Variants in XPO6 observed in about 807,000 individuals in gnomAD.
The protein encoded by XPO6 is exportin 6.
Under a neutral mutation model 130.0 loss-of-function variants are expected in XPO6, and 3 were observed. The ratio of observed to expected loss-of-function variants is 0.02; its 90% confidence interval spans 0.01 to 0.06. XPO6 has a LOEUF of 0.06. XPO6 is among the 10% of genes least tolerant of loss of function. XPO6 has a pLI of 1.00. For synonymous variants in XPO6, 524 were observed against 548.9 expected, an observed-to-expected ratio of 0.95 and a Z score of 0.63; for missense variants, 970 against 1,393.0, an observed-to-expected ratio of 0.70 and a Z score of 4.83.
At chr16:28,210,068 G>A (rs912681077) in intron 1 of XPO6, among the ~76,000 whole-genome samples, 3 of 152,164 alleles carry the variant, frequency 2.0e-5, no homozygotes, top group Admixed American at 6.5e-5. Context: ...GGTCGAGGCT[G>A]CAGTGAGCCA....
chr16:28,163,004 G>T (rs2043301846), intron 6 of XPO6, among the ~76,000 whole-genome samples: 1 of 152,174 alleles, frequency 6.6e-6, no homozygotes, highest in Admixed American at 6.5e-5. Context: ...GTGTACCGCG[G>T]GGTGTTTAGC....
At chr16:28,186,374 CTTT>C (rs60754642) in intron 1 of XPO6, among the ~76,000 whole-genome samples, 5 of 81,426 alleles carry the variant, frequency 6.1e-5, no homozygotes, top group African/African-American at 1.3e-4. Context: ...CCCAGTTATT[CTTT>C]TTTTTTTTTT....
chr16:28,109,070 C>T (rs1221740125), intron 17 of XPO6, among the ~76,000 whole-genome samples: 2 of 152,150 alleles, frequency 1.3e-5, no homozygotes, highest in African/African-American at 2.4e-5. Context: ...TCCTCAAGAA[C>T]GCACAGGCAA....
rs1173003954 is a variant in XPO6 at position 28,112,908 on chromosome 16, T to G, written c.2147A>C (p.Asp716Ala). The G allele has an allele frequency of 1.2e-6, 2 of 1,613,360 alleles. No individual in the cohort carries two copies. The highest frequency in any genetic ancestry group is 2.7e-5 in the African/African-American group (2 of 74,912). ...GGGGGAGCTCTGGGGCCTCACCTTA[T>G]CGACAAGTCGCAGGGCAGAGGCATC... ...ITDASALRLV[D>A]KAQVLVCRAL... is the part of the protein sequence containing the mutation. The change falls in exon 16 of 24, where the codon GAT becomes GCT. Residue 716 changes from aspartate (D) to alanine (A), a missense_variant. Transcript: ENST00000304658.
chr16:28,139,165 A>G (rs2042837880), intron 9 of XPO6, among the ~76,000 whole-genome samples: 1 of 152,208 alleles, frequency 6.6e-6, no homozygotes, highest in African/African-American at 2.4e-5. Flanking sequence ...GCCTTAATCC[A>G]ATAGGACTGT....
rs1596782024 is a variant in XPO6, at chr16:28,106,555, T to C, written c.2498-58A>G. On this transcript the variant is annotated intron_variant, in intron 18 of 23. Coordinates refer to ENST00000304658, the MANE Select transcript of XPO6 (RefSeq NM_015171.4). This position sits in a 1 kb window ranked among gnomAD's most constrained non-coding sequence, Gnocchi z 4.2. ...TTGCACACAGTGAGAACCAGAACCC[T>C]GGGCTTCATCAACCTACTCCTGAAA... is the stretch of plus-strand genomic sequence containing the variant. 1 of 1,415,174 alleles carries C rather than the reference T, an allele frequency of 7.1e-7. No individual in the cohort carries two copies. The highest frequency in any genetic ancestry group is 1.0e-6 in the Non-Finnish European group (1 of 1,004,806). The allele number at this position is 1,415,174 out of a possible 1,614,324, so 87.7% of individuals were successfully genotyped here.
At chr16:28,178,231 T>C (rs1453559466) in intron 2 of XPO6, among the ~76,000 whole-genome samples, 1 of 152,078 alleles carries the variant, frequency 6.6e-6, no homozygotes, top group African/African-American at 2.4e-5. Context: ...CTCTGCTAGT[T>C]CCCTACAACT....
At chr16:28,168,559 T>C (rs760603664) in intron 5 of XPO6, among the ~76,000 whole-genome samples, 3 of 151,486 alleles carry the variant, frequency 2.0e-5, no homozygotes, top group Non-Finnish European at 4.4e-5. Context: ...CCTGGGGCTT[T>C]AGGGAAGGAT....
chr16:28,180,402 T>TTACATTGCCCAGGCAGTGGGAATG (rs2043596426), intron 2 of XPO6, among the ~76,000 whole-genome samples: 1 of 152,150 alleles, frequency 6.6e-6, no homozygotes, highest in Non-Finnish European at 1.5e-5. Flanking sequence ...AGACAGGATC[T>TTACATTGCCCAGGCAGTGGGAATG]TACATTGCCC....
chr16:28,138,552 G>A (rs1028491141), intron 9 of XPO6, among the ~76,000 whole-genome samples: 3 of 152,134 alleles, frequency 2.0e-5, no homozygotes, highest in African/African-American at 7.2e-5. Context: ...GTGTCATGTG[G>A]GAGGTGGAGA....
At chr16:28,167,984 A>G (rs2043384657) in intron 5 of XPO6, among the ~76,000 whole-genome samples, 1 of 152,154 alleles carries the variant, frequency 6.6e-6, no homozygotes, top group South Asian at 2.1e-4. Flanking sequence ...TTCTTTTTAT[A>G]GTGATGACAA....
chr16:28,123,687 C>T (rs2087311640), intron 13 of XPO6, among the ~76,000 whole-genome samples: 1 of 152,174 alleles, frequency 6.6e-6, no homozygotes, highest in Admixed American at 6.5e-5. Flanking sequence ...ACGAAGTCCT[C>T]GTGATCAGAA....
Position 28,113,060 on chromosome 16 carries a change from G to A in XPO6, c.2005-10C>T, listed in dbSNP as rs1020337872. On this transcript the variant is annotated splice_polypyrimidine_tract_variant and intron_variant, in intron 15 of 23. Transcript: ENST00000304658. ...GCAGCTTGTCTTGGACCTGCAGAGG[G>A]AAGAGGGCACGTCAGCTCACCACAT... The A allele has an allele frequency of 1.2e-6, 2 of 1,612,636 alleles. No homozygotes were observed. The highest frequency in any genetic ancestry group is 1.7e-6 in the Non-Finnish European group (2 of 1,179,172).
rs1201061801 is a variant in XPO6 at position 28,156,510 on chromosome 16, G to A, written c.661C>T (p.Leu221=). The A allele has an allele frequency of 3.2e-6, 5 of 1,561,820 alleles. No individual in the cohort carries two copies. The South Asian group carries it at 6.0e-5, about 19-fold the overall frequency. The change falls in exon 7 of 24, where the codon CTG becomes TTG. Residue 221 remains leucine, a synonymous_variant. Transcript: ENST00000304658. ...SGESGDLLSN[L]LQSPSSAKLL... ...TTGGCTGAACTGGGACTCTGCAACA[G>A]GTTACTCAGTAAGTCACCTGAAAAT... is the stretch of plus-strand genomic sequence containing the variant.
intron 12 of XPO6, among the ~76,000 whole-genome samples, chr16:28,130,773 T>G (rs958311107): frequency 6.6e-6 from 1 of 152,220 alleles, no homozygotes; most frequent in African/African-American, 2.4e-5. Flanking sequence ...ATTATCCTTC[T>G]AGGGAGAAGA....
chr16:28,190,183 A>G (rs1449392144), intron 1 of XPO6, among the ~76,000 whole-genome samples: 1 of 152,054 alleles, frequency 6.6e-6, no homozygotes, highest in Non-Finnish European at 1.5e-5. Context: ...AAGACTCATC[A>G]ATCAGCTACC....
Position 28,101,711 on chromosome 16 carries a change from AGCAGCAGCCAGCCCCCAGGGG to A in XPO6, c.3046-44_3046-24del. On this transcript the variant is annotated intron_variant, in intron 22 of 23. Transcript: ENST00000304658. This position sits in a 1 kb window ranked among gnomAD's most constrained non-coding sequence, Gnocchi z 5.4. ...CTTCTGCAGGCAGAGAGACCAGGTG[AGCAGCAGCCAGCCCCCAGGGG>A]CCTGTCCCGGGTCCCATCCACTTTC... 1 of 1,596,652 alleles carries A rather than the reference AGCAGCAGCCAGCCCCCAGGGG, an allele frequency of 6.3e-7. No homozygotes were observed. Among genetic ancestry groups the A allele is most frequent in the Non-Finnish European group, 8.6e-7 (1 of 1,168,532 alleles).
chr16:28,162,807 C>T (rs540496401), intron 6 of XPO6, among the ~76,000 whole-genome samples: 4 of 152,246 alleles, frequency 2.6e-5, no homozygotes, highest in East Asian at 1.9e-4. Context: ...CCTCTCACCT[C>T]GGCCCCCCAA....
intron 1 of XPO6, among the ~76,000 whole-genome samples, chr16:28,202,396 C>T (rs1003656498): frequency 2.0e-5 from 3 of 152,130 alleles, no homozygotes; most frequent in African/African-American, 7.2e-5. Context: ...CTCAGCAGTA[C>T]GGAAGATGGA....
Sources: gnomAD v4.1 joint callset for allele counts (sites outside exome capture counted in the v4.1 genomes callset) on GRCh38, gnomAD v4.1.1 for gene constraint, Gnocchi (gnomAD v3.1) non-coding constraint, MANE v1.5 for transcripts, NCBI Gene and HGNC (gene_info 2026-07-23, HGNC 2026-07-21) for gene names.